Variants in KATNAL1 observed in about 807,000 individuals in gnomAD.
KATNAL1 encodes katanin p60 ATPase-containing subunit A-like 1.
A neutral mutation model predicts 55.2 loss-of-function variants in KATNAL1; 32 were observed. The ratio of observed to expected loss-of-function variants is 0.58; its 90% CI spans 0.44 to 0.78. The LOEUF (loss-of-function observed/expected upper bound fraction) is 0.78. Among genes scored for constraint, KATNAL1 ranks in the 30% least tolerant of loss-of-function variants. KATNAL1 has a pLI of 0.00. For missense variants in KATNAL1, 466 were observed against 600.9 expected (o/e 0.78, Z 2.35); for synonymous variants, 193 against 193.6 (o/e 1.00, Z 0.02).
At chr13:30,274,903 G>GTACACA (rs1555265622) in intron 3 of KATNAL1, among the ~76,000 whole-genome samples, 2 of 93,700 alleles carry the variant, frequency 2.1e-5, no homozygotes, top group Non-Finnish European at 4.8e-5. Flanking sequence ...GCGCGCGCGC[G>GTACACA]CGCGCACACA....
intron 1 of KATNAL1, among the ~76,000 whole-genome samples, chr13:30,304,178 T>C (rs1883037061): frequency 6.6e-6 from 1 of 152,190 alleles, no homozygotes; most frequent in East Asian, 1.9e-4. Context: ...TTCCCCTCCT[T>C]TGTTATGCTC....
intron 1 of KATNAL1, among the ~76,000 whole-genome samples, chr13:30,285,395 T>C (rs1881710161): frequency 6.6e-6 from 1 of 152,134 alleles, no homozygotes; most frequent in South Asian, 2.1e-4. Context: ...GCTGTTCTTG[T>C]GATAATGAGT....
chr13:30,265,408 T>A (rs1035985453), intron 3 of KATNAL1, among the ~76,000 whole-genome samples: 26 of 99,404 alleles, frequency 2.6e-4, no homozygotes, highest in African/African-American at 7.6e-4. Context: ...ATAAAAAAAT[T>A]AAAAAAAAAG....
intron 9 of KATNAL1, among the ~76,000 whole-genome samples, chr13:30,214,404 C>A (rs1275017928): frequency 3.3e-5 from 5 of 152,190 alleles, no homozygotes; most frequent in African/African-American, 9.6e-5. Context: ...ACTTTCTTCA[C>A]AGAATTGGAA....
chr13:30,256,638 A>T (rs1019798136), intron 3 of KATNAL1, among the ~76,000 whole-genome samples: 1 of 152,160 alleles, frequency 6.6e-6, no homozygotes, highest in African/African-American at 2.4e-5. Context: ...TAATTCAAAG[A>T]TAGGAAAATG....
intron 9 of KATNAL1, among the ~76,000 whole-genome samples, chr13:30,218,134 A>T (rs1874479232): frequency 6.6e-6 from 1 of 151,866 alleles, no homozygotes; most frequent in African/African-American, 2.4e-5. Flanking sequence ...AAGTAGAAAA[A>T]TACAATAAAA....
intron 3 of KATNAL1, among the ~76,000 whole-genome samples, chr13:30,265,775 C>T (rs1223510682): frequency 1.3e-5 from 2 of 150,736 alleles, no homozygotes; most frequent in Non-Finnish European, 1.5e-5. Flanking sequence ...CTTTGGGAGG[C>T]TGAGGCGGGC....
chr13:30,268,044 T>C (rs1044733094), intron 3 of KATNAL1, among the ~76,000 whole-genome samples: 3 of 152,228 alleles, frequency 2.0e-5, no homozygotes, highest in Non-Finnish European at 2.9e-5. Flanking sequence ...TCTACATTTG[T>C]GGAGTGAAGC....
At chr13:30,270,451 A>C (rs898143440) in intron 3 of KATNAL1, among the ~76,000 whole-genome samples, 2 of 152,148 alleles carry the variant, frequency 1.3e-5, no homozygotes, top group African/African-American at 4.8e-5. Context: ...ACGGGCCATG[A>C]TGACAATGGC....
At chr13:30,296,546 T>A (rs1882508403) in intron 1 of KATNAL1, 3 of 735,456 alleles carry the variant, frequency 4.1e-6, no homozygotes, top group Admixed American at 1.8e-5. Context: ...ATGGCAAGGG[T>A]GTCCTTTGCC....
Position 30,205,834 on chromosome 13 carries a change from T to C in KATNAL1, c.*2706A>G. 6.6e-6 allele frequency: 1 copy of C among 152,470 alleles called. No homozygotes were observed. The highest frequency in any genetic ancestry group is 1.4e-5 in the Non-Finnish European group (1 of 70,076). The allele number at this position is 152,470 out of a possible 1,614,324, so 9.4% of individuals were successfully genotyped here. A position where few individuals can be genotyped will look rare whatever the true frequency, so the allele number is the denominator to read the frequency against. ...ACACTGTCTTCTGCAATAAAGACTC[T>C]GTGTGTGTGTATGTGTGTGTATGTG... On this transcript the variant is annotated 3_prime_UTR_variant, in exon 11 of 11. Transcript: ENST00000380615.
chr13:30,251,538 T>G (rs908413742), intron 4 of KATNAL1, among the ~76,000 whole-genome samples: 2 of 152,154 alleles, frequency 1.3e-5, no homozygotes, highest in Non-Finnish European at 2.9e-5. Context: ...CATAAGAAGG[T>G]GCCATCTAGA....
At chr13:30,243,887 ATGGCCCAAGGAAAG>A (rs1172677246) in intron 4 of KATNAL1, among the ~76,000 whole-genome samples, 1 of 152,154 alleles carries the variant, frequency 6.6e-6, no homozygotes, top group Non-Finnish European at 1.5e-5. Context: ...CCTGATTTCA[ATGGCCCAAGGAAAG>A]TGCAAAATTT....
rs1357002487 is a variant in KATNAL1, at chr13:30,205,244, G to C, written c.*3296C>G. 6.6e-6 allele frequency: 1 copy of C among 152,192 alleles called. No homozygotes were observed. Among genetic ancestry groups the C allele is most frequent in the East Asian group, 1.9e-4 (1 of 5,204 alleles). The allele number at this position is 152,192 out of a possible 1,614,324, so 9.4% of individuals were successfully genotyped here. On this transcript the variant is annotated 3_prime_UTR_variant, in exon 11 of 11. Transcript: ENST00000380615. ...ATCAGTGATCTAAACTCTTGTTTCA[G>C]TAGTAGAAGCCAGAAGCTATACAGA...
chr13:30,226,481 A>T (rs1452809031), intron 9 of KATNAL1, among the ~76,000 whole-genome samples: 3 of 152,250 alleles, frequency 2.0e-5, no homozygotes, highest in Non-Finnish European at 4.4e-5. Flanking sequence ...AGCCAGACAC[A>T]GTGAGTACAT....
intron 3 of KATNAL1, among the ~76,000 whole-genome samples, chr13:30,275,617 A>G (rs77415001): frequency 0.064 from 9,750 of 152,236 alleles, 463 homozygotes; most frequent in East Asian, 0.25. Context: ...GTCATGCAAG[A>G]TAAGTTCTAG....
intron 1 of KATNAL1, among the ~76,000 whole-genome samples, chr13:30,287,589 A>G (rs762457322): frequency 6.6e-6 from 1 of 152,330 alleles, no homozygotes; most frequent in Non-Finnish European, 1.5e-5. Context: ...ACAAATTTCA[A>G]TGTCCAGTGG....
At chr13:30,258,048 GTC>G (rs905778182) in intron 3 of KATNAL1, among the ~76,000 whole-genome samples, 84 of 152,266 alleles carry the variant, frequency 5.5e-4, no homozygotes, top group African/African-American at 1.9e-3. Context: ...TCTTTTACTA[GTC>G]TCTCTGTAAA....
chr13:30,285,072 A>G (rs540760512), intron 1 of KATNAL1, among the ~76,000 whole-genome samples: 1 of 152,320 alleles, frequency 6.6e-6, no homozygotes, highest in East Asian at 1.9e-4. Context: ...TCTGACTCTC[A>G]ATCTCTTATC....
Sources: gnomAD v4.1 joint callset for allele counts (sites outside exome capture counted in the v4.1 genomes callset) on GRCh38, gnomAD v4.1.1 for gene constraint, MANE v1.5 for transcripts, NCBI Gene and HGNC (gene_info 2026-07-23, HGNC 2026-07-21) for gene names.